BAZ1A: variants seen among roughly 807,000 people sequenced by gnomAD.
The protein encoded by BAZ1A is bromodomain adjacent to zinc finger domain 1A, also known as bromodomain adjacent to zinc finger domain protein 1A.
In BAZ1A, 50 loss-of-function variants were observed where a neutral mutation model predicts 185.2. The ratio of observed to expected loss-of-function variants is 0.27; its 90% CI spans 0.22 to 0.34. BAZ1A has a LOEUF of 0.34. BAZ1A is among the 10% of genes least tolerant of loss of function. The pLI is 1.00. For synonymous variants in BAZ1A, 571 were observed against 615.6 expected (o/e 0.93, Z 1.07); for missense variants, 1,356 against 1,839.9 (o/e 0.74, Z 4.81).
chr14:34,775,084 C>G (rs927285902), intron 18 of BAZ1A, among the ~76,000 whole-genome samples: 3 of 151,714 alleles, frequency 2.0e-5, no homozygotes, highest in Non-Finnish European at 2.9e-5. Context: ...GGTGTGGTGG[C>G]GGGCGCCTGT....
chr14:34,850,199 G>A (rs753848161), intron 3 of BAZ1A, among the ~76,000 whole-genome samples: 4 of 151,928 alleles, frequency 2.6e-5, no homozygotes, highest in African/African-American at 7.3e-5. Flanking sequence ...GCGACATGGC[G>A]ATACCCCATC....
intron 18 of BAZ1A, among the ~76,000 whole-genome samples, 168 bp downstream of exon 18, chr14:34,775,751 T>C (rs942913471): frequency 6.6e-6 from 1 of 152,190 alleles, no homozygotes; most frequent in Non-Finnish European, 1.5e-5. Context: ...CTTATTTCTA[T>C]ACAGAAATAC....
intron 2 of BAZ1A, among the ~76,000 whole-genome samples, chr14:34,863,658 A>T (rs1316139372): frequency 6.6e-6 from 1 of 152,160 alleles, no homozygotes; most frequent in East Asian, 1.9e-4. Flanking sequence ...AAGATTTCTA[A>T]GACATAATGG....
At chr14:34,807,399 A>G in intron 6 of BAZ1A, 52 bp downstream of exon 6, 2 of 1,316,932 alleles carry the variant, frequency 1.5e-6, no homozygotes, top group Non-Finnish European at 2.2e-6. Flanking sequence ...ACTTTATAAC[A>G]CTACCCATTT....
chr14:34,794,902 A>C lies in BAZ1A; in HGVS notation c.1225-15T>G, dbSNP rs769187540. 2.5e-6 allele frequency: 4 copies of C among 1,605,696 alleles called. No homozygotes were observed. In the African/African-American group the frequency reaches 4.0e-5, roughly 16 times the overall value. On this transcript the variant is annotated splice_polypyrimidine_tract_variant and intron_variant, in intron 10 of 26. Coordinates refer to ENST00000360310, the MANE Select transcript of BAZ1A (RefSeq NM_013448.3). ...TCTGGAAGTTCCTGAAATATTGAAC[A>C]ATTTATATAACTATTTGAACCAAGA...
chr14:34,775,848 C>T (rs149919317), intron 18 of BAZ1A, 71 bp downstream of exon 18: 262 of 1,291,688 alleles, frequency 2.0e-4, no homozygotes, highest in African/African-American at 2.0e-3. Flanking sequence ...GTTGCAAAAA[C>T]GCTTAATCCT....
intron 2 of BAZ1A, among the ~76,000 whole-genome samples, chr14:34,873,696 C>T (rs545298525): frequency 6.6e-6 from 1 of 152,370 alleles, no homozygotes; most frequent in South Asian, 2.1e-4. Flanking sequence ...CCTGCTTCTT[C>T]CCCCTTCCTC....
rs1886087139 is a variant in BAZ1A at position 34,753,146 on chromosome 14, A to G, written c.*362T>C. The stretch of plus-strand genomic sequence containing the variant: ...GCTATAGCGGAAGACTCATCCATGT[A>G]GATAACTCTCCCTTAATACCACCAC... On this transcript the variant is annotated 3_prime_UTR_variant, in exon 27 of 27. Coordinates refer to ENST00000360310, the MANE Select transcript of BAZ1A (RefSeq NM_013448.3). 5.0e-6 allele frequency: 1 copy of G among 201,536 alleles called. No individual in the cohort carries two copies. The highest frequency in any genetic ancestry group is 5.5e-5 in the Admixed American group (1 of 18,024). The allele number at this position is 201,536 out of a possible 1,614,324, so 12.5% of individuals were successfully genotyped here. A position where few individuals can be genotyped will look rare whatever the true frequency, so the allele number is the denominator to read the frequency against.
At chr14:34,794,433 C>T (rs981193388) in intron 11 of BAZ1A, among the ~76,000 whole-genome samples, 1 of 152,160 alleles carries the variant, frequency 6.6e-6, no homozygotes, top group African/African-American at 2.4e-5. Context: ...CTGCTCTGAC[C>T]AATGGAATGT....
chr14:34,794,747 G>A lies in BAZ1A; in HGVS notation c.1363+2C>T. ...GTAGCAATAGATAACTAAAGCACTT[G>A]CCTAGGGTTACTCCATCAGGAAACT... On this transcript the variant is annotated splice_donor_variant, in intron 11 of 26. Coordinates refer to ENST00000360310, the MANE Select transcript of BAZ1A (RefSeq NM_013448.3). LOFTEE classifies it low-confidence loss of function (GC_TO_GT_DONOR). 2 of 1,611,538 alleles carry A rather than the reference G, an allele frequency of 1.2e-6. No individual in the cohort carries two copies. The highest frequency in any genetic ancestry group is 1.3e-5 in the African/African-American group (1 of 74,844).
intron 19 of BAZ1A, among the ~76,000 whole-genome samples, chr14:34,774,072 C>A (rs950069618): frequency 2.0e-5 from 3 of 152,132 alleles, no homozygotes; most frequent in Non-Finnish European, 2.9e-5. Context: ...ACCAACAAAC[C>A]AACCAGACTC....
chr14:34,851,463 A>G (rs2042595565), intron 3 of BAZ1A, among the ~76,000 whole-genome samples: 1 of 151,736 alleles, frequency 6.6e-6, no homozygotes, highest in South Asian at 2.1e-4. Flanking sequence ...CTCTAATTCT[A>G]TCTTTGGACT....
intron 17 of BAZ1A, among the ~76,000 whole-genome samples, chr14:34,778,240 T>G (rs1292572997): frequency 1.3e-5 from 2 of 152,170 alleles, no homozygotes; most frequent in East Asian, 3.8e-4. Context: ...TCCACCTAGC[T>G]AGAATGCAGA....
At chr14:34,837,993 T>TCCTTGCCTTTTCCTTGCCTTGC (rs34633246) in intron 3 of BAZ1A, among the ~76,000 whole-genome samples, 12 of 152,220 alleles carry the variant, frequency 7.9e-5, no homozygotes, top group Non-Finnish European at 1.8e-4. Flanking sequence ...GGAAAAGGCT[T>TCCTTGCCTTTTCCTTGCCTTGC]CTTGTCTTTC....
intron 24 of BAZ1A, among the ~76,000 whole-genome samples, chr14:34,760,929 T>C (rs1267041191): frequency 6.6e-6 from 1 of 152,118 alleles, no homozygotes; most frequent in Non-Finnish European, 1.5e-5. Context: ...AATTTCTTTA[T>C]GAATAAAGAA....
At chr14:34,754,426 A>AAAAAAAAAAAAAAAAG (rs543554757) in intron 26 of BAZ1A, among the ~76,000 whole-genome samples, 16 of 122,824 alleles carry the variant, frequency 1.3e-4, no homozygotes, top group Non-Finnish European at 2.1e-4. Flanking sequence ...TCAAAAAAAA[A>AAAAAAAAAAAAAAAAG]AAAAAAGAAA....
rs35830800 is a variant in BAZ1A, at chr14:34,816,080, CTTTTTTTTTTT to C, written c.537-5055_537-5045del. Among the ~76,000 whole-genome samples the C allele has an allele frequency of 6.3e-5, 5 of 79,426 alleles. 1 individual carries two copies. The highest frequency in any genetic ancestry group is 1.2e-3 in the South Asian group (2 of 1,710). 52.1% of individuals were successfully genotyped at this position (79,426 alleles called of 152,430 possible). On this transcript the variant is annotated intron_variant, in intron 4 of 26. Transcript: ENST00000360310. Reference sequence around the variant, plus strand: ...AAGCTACATACATATTATTCCAGACCTTTTTTTTTTTTTTTTTTTTTTTTTGAGATAGTGTC... The same window carrying C: ...AAGCTACATACATATTATTCCAGACCTTTTTTTTTTTTTTGAGATAGTGTC...
At chr14:34,853,806 A>C (rs2042633588) in intron 3 of BAZ1A, among the ~76,000 whole-genome samples, 1 of 152,042 alleles carries the variant, frequency 6.6e-6, no homozygotes, top group African/African-American at 2.4e-5. Context: ...AGACAAGGGG[A>C]GATAGTTAAA....
rs563562587 is a variant in BAZ1A at position 34,813,391 on chromosome 14, AAAAC to A, written c.537-2359_537-2356del. On this transcript the variant is annotated intron_variant, in intron 4 of 26. Transcript: ENST00000360310. ...GTGACAGAGCAAGACCCTGTCTCAA[AAAAC>A]AAACAGGCTGGGCACAGTGGCTCAC... Among the ~76,000 whole-genome samples the A allele has an allele frequency of 3.8e-3, 579 of 152,180 alleles. 4 individuals carry two copies. The highest frequency in any genetic ancestry group is 0.014 in the African/African-American group (565 of 41,550).
Sources: allele counts gnomAD v4.1 joint callset (sites outside exome capture counted in the v4.1 genomes callset), GRCh38; gene constraint gnomAD v4.1.1; transcripts MANE v1.5; gene names NCBI Gene and HGNC (gene_info 2026-07-23, HGNC 2026-07-21).